The following ZNF91 variants were observed in gnomAD, a reference collection of about 807,000 sequenced individuals.
ZNF91 encodes the protein zinc finger protein 91.
A neutral mutation model predicts 12.6 loss-of-function variants in ZNF91; 7 were observed. The ratio of observed to expected loss-of-function variants is 0.55; its 90% confidence interval spans 0.31 to 1.04. ZNF91 has a LOEUF of 1.04. ZNF91 is among the 50% of genes least tolerant of loss of function. The pLI, the probability that ZNF91 is intolerant of heterozygous loss-of-function variation, is 0.05. For synonymous variants in ZNF91, 453 were observed against 462.6 expected, an observed-to-expected ratio of 0.98 and a Z score of 0.27; for missense variants, 1,217 against 1,385.4, an observed-to-expected ratio of 0.88 and a Z score of 1.93.
intron 3 of ZNF91, chr19:23,339,409 A>G (rs1968080055): frequency 6.6e-6 from 1 of 152,206 alleles, no homozygotes; most frequent in East Asian, 1.9e-4. Flanking sequence ...CGAGATAGAC[A>G]GTAATACAAT....
At position 23,359,326 on chromosome 19, in the gene ZNF91, C is replaced by T; in HGVS notation, c.*77G>A. ...CAAGCTCCGCCTCCCGGGTTCACGC[C>T]ATTCTCCTGCCTCAGCCTCTCGCAT... On this transcript the variant is annotated 3_prime_UTR_variant, in exon 4 of 4. Coordinates refer to ENST00000300619, the MANE Select transcript of ZNF91 (RefSeq NM_003430.4). 1 of 581,014 alleles carries T rather than the reference C, an allele frequency of 1.7e-6. No homozygotes were observed. The highest frequency in any genetic ancestry group is 3.0e-6 in the Non-Finnish European group (1 of 330,992). The allele number at this position is 581,014 out of a possible 1,614,324, so 36.0% of individuals were successfully genotyped here.
At chr19:23,362,945 C>T (rs1437047363) in intron 3 of ZNF91, among the ~76,000 whole-genome samples, 1 of 152,112 alleles carries the variant, frequency 6.6e-6, no homozygotes, top group Non-Finnish European at 1.5e-5. Flanking sequence ...GCAATCTTGG[C>T]TCACAGCAAG....
chr19:23,308,030 T>C (rs1361133187), intron 2 of ZNF91: 2 of 152,260 alleles, frequency 1.3e-5, no homozygotes, highest in African/African-American at 4.8e-5. Flanking sequence ...ACCTAGGTGA[T>C]GTAACTTTTC....
intron 3 of ZNF91, among the ~76,000 whole-genome samples, chr19:23,368,172 C>T (rs1037652929): frequency 5.9e-5 from 9 of 151,926 alleles, no homozygotes; most frequent in African/African-American, 1.9e-4. Flanking sequence ...CCTCCCAAAG[C>T]GCTGGGCGAC....
In ZNF91 at chr19:23,359,524, T is replaced by C. The variant is rs756393247; in HGVS notation, c.3455A>G (p.His1152Arg). ...AGGTGTGATAGTATGAATTTTCTTA[T>C]GGTTAGTAAGGATTGAAGACTGGTT... ...AFNQSSILTN[H>R]KKIHTITPVI... The change falls in exon 4 of 4, where the codon CAT (histidine) becomes CGT (arginine). Residue 1152 changes from histidine (H) to arginine (R), a missense_variant. Physicochemically the swap from His to Arg is conservative, Grantham distance 29. Transcript: ENST00000300619. The C allele has an allele frequency of 5.0e-6, 8 of 1,613,866 alleles. No homozygotes were observed. In the Admixed American group the frequency reaches 8.3e-5, roughly 17 times the overall value.
chr19:23,381,995 C>A (rs1599752674), intron 1 of ZNF91, among the ~76,000 whole-genome samples: 1 of 120,692 alleles, frequency 8.3e-6, no homozygotes. Flanking sequence ...AATCTTTTGC[C>A]AAAGCAAAAA....
In ZNF91 at chr19:23,360,521, G is replaced by A. The variant is rs566024597; in HGVS notation, c.2458C>T (p.His820Tyr). 3 of 1,613,746 alleles carry A rather than the reference G, an allele frequency of 1.9e-6. No individual in the cohort carries two copies. The highest frequency in any genetic ancestry group is 2.2e-5 in the East Asian group (1 of 44,798). ...CATTTGTAGGGTTTCTCTCCAGTAT[G>A]AATTGTCTTATGCTTAGTAAGGGTT... ...SSTLTKHKTI[H>Y]TGEKPYKCKE... The change falls in exon 4 of 4, where the codon CAT (histidine) becomes TAT (tyrosine). Residue 820 changes from histidine (H) to tyrosine (Y), a missense_variant. Around this residue, in one of 2 missense-constraint regions of ZNF91, gnomAD observed 491 missense variants for 489.8 expected, o/e 1.00. Transcript: ENST00000300619.
intron 1 of ZNF91, among the ~76,000 whole-genome samples, chr19:23,316,975 CCGT>C (rs1370714585): frequency 6.6e-6 from 1 of 152,150 alleles, no homozygotes; most frequent in East Asian, 1.9e-4. Context: ...GGAATTGTTT[CCGT>C]CAACACAGAC....
chr19:23,349,784 T>C (rs1418702576), intron 3 of ZNF91, among the ~76,000 whole-genome samples: 1 of 152,018 alleles, frequency 6.6e-6, no homozygotes, highest in Non-Finnish European at 1.5e-5. Context: ...CTCCAAAACA[T>C]TAACGTGGGC....
downstream of ZNF91, among the ~76,000 whole-genome samples, chr19:23,337,557 TAA>T (rs1415149448): frequency 2.0e-5 from 3 of 149,332 alleles, no homozygotes; most frequent in Non-Finnish European, 3.0e-5. Context: ...GAAATCAATA[TAA>T]AGACACATAA....
chr19:23,387,041 G>A (rs1404468733), intron 1 of ZNF91, among the ~76,000 whole-genome samples: 1 of 152,112 alleles, frequency 6.6e-6, no homozygotes, highest in Non-Finnish European at 1.5e-5. Context: ...TGGCTAACAA[G>A]CATGCAATAA....
downstream of ZNF91, among the ~76,000 whole-genome samples, chr19:23,356,111 G>C (rs372683128): frequency 2.0e-5 from 3 of 152,144 alleles, no homozygotes; most frequent in African/African-American, 4.8e-5. Context: ...ACAGTGTGGA[G>C]AGTCTGTAAA....
In ZNF91 at chr19:23,361,882, G is replaced by A. The variant is rs1052624955; in HGVS notation, c.1097C>T (p.Ala366Val). 7.4e-6 allele frequency: 12 copies of A among 1,611,060 alleles called. No individual in the cohort carries two copies. Among genetic ancestry groups the A allele is most frequent in the African/African-American group, 1.3e-5 (1 of 74,626 alleles). The change falls in exon 4 of 4, where the codon GCT (alanine) becomes GTT (valine). Residue 366 changes from alanine (A) to valine (V), a missense_variant. Ala to Val is a moderately conservative substitution (Grantham distance 64). Transcript: ENST00000300619. ...GKAFSNSSTLANHKITHTEEK... is the reference protein window; with the variant it reads ...GKAFSNSSTLVNHKITHTEEK... ...TTCAGTATGAGTTATCTTATGATTA[G>A]CAAGGGTTGAGGAATTGCTAAAAGC...
chr19:23,392,396 C>CAAAAAAAAAAA (rs71163502), intron 1 of ZNF91, among the ~76,000 whole-genome samples: 1 of 70,408 alleles, frequency 1.4e-5, no homozygotes, highest in Non-Finnish European at 2.8e-5. Context: ...AACTCCATCT[C>CAAAAAAAAAAA]AAAAAAAAAA....
Position 23,359,315 on chromosome 19 carries a change from C to T in ZNF91, c.*88G>A, listed in dbSNP as rs567097894. ...TCGGCTCACTGCAAGCTCCGCCTCC[C>T]GGGTTCACGCCATTCTCCTGCCTCA... is the stretch of plus-strand genomic sequence containing the variant. On this transcript the variant is annotated 3_prime_UTR_variant, in exon 4 of 4. Transcript: ENST00000300619. The T allele has an allele frequency of 3.1e-4, 174 of 557,654 alleles. No homozygotes were observed. The highest frequency in any genetic ancestry group is 2.8e-3 in the African/African-American group (149 of 52,782). The allele number at this position is 557,654 out of a possible 1,614,324, so 34.5% of individuals were successfully genotyped here. A position where few individuals can be genotyped will look rare whatever the true frequency, so the allele number is the denominator to read the frequency against.
chr19:23,387,042 C>T (rs1329074165), intron 1 of ZNF91, among the ~76,000 whole-genome samples: 1 of 152,082 alleles, frequency 6.6e-6, no homozygotes, highest in East Asian at 1.9e-4. Flanking sequence ...GGCTAACAAG[C>T]ATGCAATAAA....
At chr19:23,317,264 G>C (rs1362389755) in intron 1 of ZNF91, among the ~76,000 whole-genome samples, 1 of 152,040 alleles carries the variant, frequency 6.6e-6, no homozygotes, top group Non-Finnish European at 1.5e-5. Flanking sequence ...TAGCTAGGAT[G>C]GTCTCGATCT....
intron 3 of ZNF91, among the ~76,000 whole-genome samples, chr19:23,368,558 CTCTCTA>C (rs1415829433): frequency 1.6e-5 from 2 of 121,872 alleles, no homozygotes; most frequent in Admixed American, 8.6e-5. Context: ...CTCTCTCTCT[CTCTCTA>C]TATATATATG....
intron 3 of ZNF91, among the ~76,000 whole-genome samples, chr19:23,306,631 T>C (rs928014290): frequency 7.9e-5 from 12 of 152,196 alleles, no homozygotes; most frequent in Admixed American, 6.5e-4. Context: ...CCGAGTTATA[T>C]AACTCTTGTG....
Sources: allele counts gnomAD v4.1 joint callset (sites outside exome capture counted in the v4.1 genomes callset), GRCh38; gene constraint gnomAD v4.1.1; regional missense constraint gnomAD v4.1.1; transcripts MANE v1.5; gene names NCBI Gene and HGNC (gene_info 2026-07-23, HGNC 2026-07-21).